The following EBF2 variants were observed in gnomAD, a reference collection of about 807,000 sequenced individuals.
EBF2 encodes EBF transcription factor 2, also known as transcription factor COE2.
In EBF2, 21 loss-of-function variants were observed where a neutral mutation model predicts 72.8. The ratio of observed to expected loss-of-function variants is 0.29; its 90% CI spans 0.20 to 0.42. EBF2 has a LOEUF of 0.42. Among genes scored for constraint, EBF2 ranks in the 10% least tolerant of loss-of-function variants. The pLI, the probability that EBF2 is intolerant of heterozygous loss-of-function variation, is 1.00. For missense variants in EBF2, 637 were observed against 731.2 expected (o/e 0.87, Z 1.49); for synonymous variants, 299 against 274.2 (o/e 1.09, Z -0.89).
At chr8:25,938,684 A>G (rs1485949193) in intron 6 of EBF2, among the ~76,000 whole-genome samples, 1 of 152,140 alleles carries the variant, frequency 6.6e-6, no homozygotes, top group Non-Finnish European at 1.5e-5. Context: ...AAGGAAGTCA[A>G]ATACTCTGCT....
At chr8:25,919,595 T>A (rs757474991) in intron 6 of EBF2, among the ~76,000 whole-genome samples, 1 of 152,166 alleles carries the variant, frequency 6.6e-6, no homozygotes, top group Non-Finnish European at 1.5e-5. Context: ...ATTACTGTCT[T>A]AAATACACCT....
intron 10 of EBF2, among the ~76,000 whole-genome samples, chr8:25,875,962 G>A (rs929392544): frequency 2.0e-5 from 3 of 152,118 alleles, no homozygotes; most frequent in Non-Finnish European, 4.4e-5. Context: ...ACATGCACGC[G>A]TATGTTTGTT....
intron 6 of EBF2, among the ~76,000 whole-genome samples, chr8:25,919,341 G>A (rs564243708): frequency 3.7e-4 from 56 of 152,106 alleles, no homozygotes; most frequent in Non-Finnish European, 6.8e-4. Flanking sequence ...AAGAAAGTAG[G>A]AAATGCATGT....
At chr8:26,040,892 A>G in intron 3 of EBF2, 47 bp downstream of exon 3, 1 of 1,611,662 alleles carries the variant, frequency 6.2e-7, no homozygotes, top group Non-Finnish European at 8.5e-7. Context: ...TGCGGCCCGG[A>G]AGCCGGCTGC....
intron 6 of EBF2, among the ~76,000 whole-genome samples, chr8:25,964,965 G>T (rs2117182610): frequency 6.6e-6 from 1 of 152,266 alleles, no homozygotes; most frequent in South Asian, 2.1e-4. Flanking sequence ...ACTGATTTCT[G>T]TAGTGAGGTC....
At chr8:25,983,779 T>A (rs924038564) in intron 6 of EBF2, among the ~76,000 whole-genome samples, 2 of 152,214 alleles carry the variant, frequency 1.3e-5, no homozygotes, top group Non-Finnish European at 2.9e-5. Flanking sequence ...TGCATATGGA[T>A]CAGCTGACAC....
intron 6 of EBF2, among the ~76,000 whole-genome samples, chr8:25,933,210 T>G (rs529788729): frequency 6.6e-6 from 1 of 152,356 alleles, no homozygotes; most frequent in African/African-American, 2.4e-5. Context: ...AGTTAACTTA[T>G]TTTTCATTTT....
intron 6 of EBF2, among the ~76,000 whole-genome samples, chr8:25,951,559 C>T (rs1474204407): frequency 6.6e-6 from 1 of 152,196 alleles, no homozygotes; most frequent in African/African-American, 2.4e-5. Context: ...ACTCAGTGCT[C>T]CAACCCTTTT....
At chr8:26,027,826 T>C (rs1805325160) in intron 6 of EBF2, among the ~76,000 whole-genome samples, 1 of 152,140 alleles carries the variant, frequency 6.6e-6, no homozygotes, top group Non-Finnish European at 1.5e-5. Context: ...TGGAGAGTCC[T>C]TGAGGTGATG....
intron 6 of EBF2, among the ~76,000 whole-genome samples, chr8:25,953,363 C>T (rs1202849713): frequency 6.6e-6 from 1 of 152,138 alleles, no homozygotes; most frequent in African/African-American, 2.4e-5. Flanking sequence ...ACATGATTTT[C>T]CTTAAGGTGG....
chr8:26,041,197 C>T (rs371906799), intron 2 of EBF2, 195 bp from the exon 3 acceptor site: 61 of 631,632 alleles, frequency 9.7e-5, no homozygotes, highest in African/African-American at 9.5e-4. Context: ...TGCCAAGACT[C>T]GTAGCCACTT....
intron 6 of EBF2, among the ~76,000 whole-genome samples, chr8:25,996,538 A>T (rs1322062634): frequency 6.6e-6 from 1 of 152,110 alleles, no homozygotes; most frequent in Non-Finnish European, 1.5e-5. Context: ...ATGAAAAATC[A>T]TGGCCAAAAC....
chr8:25,963,167 G>A (rs1230175500), intron 6 of EBF2, among the ~76,000 whole-genome samples: 1 of 152,186 alleles, frequency 6.6e-6, no homozygotes, highest in Non-Finnish European at 1.5e-5. Flanking sequence ...ACACAGTGAA[G>A]AGGTCCTTAG....
intron 10 of EBF2, among the ~76,000 whole-genome samples, chr8:25,876,313 T>A (rs1802519655): frequency 6.6e-6 from 1 of 152,092 alleles, no homozygotes; most frequent in Non-Finnish European, 1.5e-5. Flanking sequence ...CATGCAGGGC[T>A]TAATAGCTAG....
chr8:26,035,925 T>C (rs1207267681), intron 5 of EBF2, among the ~76,000 whole-genome samples: 1 of 151,586 alleles, frequency 6.6e-6, no homozygotes, highest in Admixed American at 6.6e-5. Context: ...TTCTAGAATA[T>C]TGCTTATGTC....
Position 25,933,142 on chromosome 8 carries a change from A to G in EBF2, c.552-24587T>C, listed in dbSNP as rs76482557. ...GGAGCGTTCGCGTGTCCTTTTTAGA[A>G]CTGGGCCTGGATTCTATTTCCAGTT... is the stretch of plus-strand genomic sequence containing the variant. On this transcript the variant is annotated intron_variant, in intron 6 of 15. Transcript: ENST00000520164. Among the ~76,000 whole-genome samples the G allele has an allele frequency of 6.6e-5, 10 of 152,236 alleles. No individual in the cohort carries two copies. In the East Asian group the frequency reaches 1.9e-3, roughly 29 times the overall value.
At chr8:25,940,387 G>T (rs923020774) in intron 6 of EBF2, among the ~76,000 whole-genome samples, 5 of 152,146 alleles carry the variant, frequency 3.3e-5, no homozygotes. Flanking sequence ...ATAGCAAGTG[G>T]AAGAGTCAAG....
intron 7 of EBF2, among the ~76,000 whole-genome samples, chr8:25,903,071 AT>A (rs1802980901): frequency 6.6e-6 from 1 of 151,866 alleles, no homozygotes; most frequent in South Asian, 2.1e-4. Flanking sequence ...TTTAATTTTT[AT>A]GGATACGTAG....
intron 6 of EBF2, among the ~76,000 whole-genome samples, chr8:25,932,379 T>TA (rs10712503): frequency 0.012 from 1,778 of 145,928 alleles, 32 homozygotes; most frequent in African/African-American, 0.041. Context: ...GTCTCTTGAT[T>TA]AAAAAAAAAA....
Sources: allele counts gnomAD v4.1 joint callset (sites outside exome capture counted in the v4.1 genomes callset), GRCh38; gene constraint gnomAD v4.1.1; transcripts MANE v1.5; gene names NCBI Gene and HGNC (gene_info 2026-07-23, HGNC 2026-07-21).